UBA6: variants seen among roughly 807,000 people sequenced by gnomAD.
The protein encoded by UBA6 is ubiquitin like modifier activating enzyme 6, also known as ubiquitin-like modifier-activating enzyme 6.
Under a neutral mutation model 148.3 loss-of-function variants are expected in UBA6, and 87 were observed. The observed-to-expected ratio is 0.59, with a 90% CI of 0.49 to 0.70. UBA6 has a LOEUF of 0.70. Among genes scored for constraint, UBA6 ranks in the 30% least tolerant of loss-of-function variants. UBA6 has a pLI of 0.00. For missense variants in UBA6, 1,186 were observed against 1,241.2 expected (o/e 0.96, Z 0.67); for synonymous variants, 376 against 401.0 (o/e 0.94, Z 0.75).
chr4:67,613,778 A>G lies in UBA6; in HGVS notation c.*5219T>C, dbSNP rs1728578803. 1 of 152,208 alleles carries G rather than the reference A, an allele frequency of 6.6e-6. No individual in the cohort carries two copies. Among genetic ancestry groups the G allele is most frequent in the African/African-American group, 2.4e-5 (1 of 41,444 alleles). The allele number at this position is 152,208 out of a possible 1,614,324, so 9.4% of individuals were successfully genotyped here. A position where few individuals can be genotyped will look rare whatever the true frequency, so the allele number is the denominator to read the frequency against. On this transcript the variant is annotated 3_prime_UTR_variant, in exon 33 of 33. Coordinates refer to ENST00000322244, the MANE Select transcript of UBA6 (RefSeq NM_018227.6). ...TCTACAAACCATAAATTCTCATCAG[A>G]TGGGTTTTATTTAACCCTGTATATT...
rs1728602878 is a variant in UBA6 at position 67,615,262 on chromosome 4, T to A, written c.*3735A>T. The A allele has an allele frequency of 6.6e-6, 1 of 152,200 alleles. No individual in the cohort carries two copies. Among genetic ancestry groups the A allele is most frequent in the African/African-American group, 2.4e-5 (1 of 41,448 alleles). The allele number at this position is 152,200 out of a possible 1,614,324, so 9.4% of individuals were successfully genotyped here. A position where few individuals can be genotyped will look rare whatever the true frequency, so the allele number is the denominator to read the frequency against. On this transcript the variant is annotated 3_prime_UTR_variant, in exon 33 of 33. Transcript: ENST00000322244. ...ATGAGTTAATGTGAGATCTGATTCT[T>A]AAAAATGATCTGGGACTTCCTCTAT...
chr4:67,618,741 C>T lies in UBA6; in HGVS notation c.*256G>A, dbSNP rs1001794042. On this transcript the variant is annotated 3_prime_UTR_variant, in exon 33 of 33. Transcript: ENST00000322244. ...AGAGATTAATACACAGATTAATACA[C>T]AAAACTTTTGTAAATAGCATTCCAG... 8.9e-6 allele frequency: 3 copies of T among 338,462 alleles called. No individual in the cohort carries two copies. Among genetic ancestry groups the T allele is most frequent in the Middle Eastern group, 7.9e-4 (1 of 1,262 alleles). The allele number at this position is 338,462 out of a possible 1,614,324, so 21.0% of individuals were successfully genotyped here.
chr4:67,681,457 A>G, intron 4 of UBA6, 106 bp downstream of exon 4: 1 of 679,456 alleles, frequency 1.5e-6, no homozygotes, highest in Non-Finnish European at 2.4e-6. Context: ...TAAAAAGTAG[A>G]GCATTAAAGA....
At chr4:67,683,680 G>T (rs1024118148) in intron 2 of UBA6, among the ~76,000 whole-genome samples, 14 of 151,820 alleles carry the variant, frequency 9.2e-5, no homozygotes, top group South Asian at 2.1e-4. Context: ...CAAAAAGATT[G>T]GACACCCCTG....
At chr4:67,622,948 G>T (rs1728783518) in intron 31 of UBA6, 23 bp from the exon 32 acceptor site, 3 of 1,552,204 alleles carry the variant, frequency 1.9e-6, no homozygotes, top group African/African-American at 1.4e-5. Context: ...ATCCAAAAAA[G>T]AAACAATGAA....
chr4:67,650,894 AAG>A (rs1729539693), intron 13 of UBA6, among the ~76,000 whole-genome samples: 1 of 152,230 alleles, frequency 6.6e-6, no homozygotes, highest in Non-Finnish European at 1.5e-5. Flanking sequence ...GAGAAAGCTA[AAG>A]AGAGAGATGT....
rs199666796 is a variant in UBA6, at chr4:67,630,573, C to T, written c.2259-38G>A. The T allele has an allele frequency of 1.5e-4, 210 of 1,387,968 alleles. 1 individual carries two copies. Among genetic ancestry groups the T allele is most frequent in the Non-Finnish European group, 1.9e-4 (190 of 1,010,152 alleles). The allele number at this position is 1,387,968 out of a possible 1,614,324, so 86.0% of individuals were successfully genotyped here. ...AAAAATAAAGCAAAATTTGAATGTA[C>T]AGTTTTAAAGACGATATTTAACTCA... On this transcript the variant is annotated intron_variant, in intron 25 of 32. Coordinates refer to ENST00000322244, the MANE Select transcript of UBA6 (RefSeq NM_018227.6).
At chr4:67,692,949 C>A (rs1198776323) in intron 2 of UBA6, among the ~76,000 whole-genome samples, 1 of 152,156 alleles carries the variant, frequency 6.6e-6, no homozygotes, top group Non-Finnish European at 1.5e-5. Flanking sequence ...TCTTTAATGA[C>A]ATGGACCCTT....
intron 30 of UBA6, 86 bp downstream of exon 30, chr4:67,624,040 A>T: frequency 1.7e-6 from 2 of 1,167,002 alleles, no homozygotes; most frequent in Non-Finnish European, 2.3e-6. Flanking sequence ...AAGAAAAAAG[A>T]GGTGAAGCTA....
chr4:67,678,114 A>T (rs1730333293), intron 5 of UBA6, among the ~76,000 whole-genome samples: 1 of 147,390 alleles, frequency 6.8e-6, no homozygotes, highest in Non-Finnish European at 1.5e-5. Context: ...TATGTAATAT[A>T]TATTATATAA....
At chr4:67,628,259 GCTT>G (rs1221543400) in intron 27 of UBA6, among the ~76,000 whole-genome samples, 3 of 151,686 alleles carry the variant, frequency 2.0e-5, no homozygotes, top group Non-Finnish European at 4.4e-5. Flanking sequence ...TACTAAGCTA[GCTT>G]CTTATTTCAA....
chr4:67,689,537 C>G (rs918027413), intron 2 of UBA6, among the ~76,000 whole-genome samples: 11 of 152,078 alleles, frequency 7.2e-5, no homozygotes, highest in African/African-American at 2.7e-4. Flanking sequence ...GTTTGTTTCT[C>G]TATCTAACTT....
At position 67,700,974 on chromosome 4, in the gene UBA6, G is replaced by C; in HGVS notation, c.71+75C>G. On this transcript the variant is annotated intron_variant, in intron 1 of 32. Coordinates refer to ENST00000322244, the MANE Select transcript of UBA6 (RefSeq NM_018227.6). ...GCCTCTCGGGCGCCCCCAGCCCGCC[G>C]GAAAGAAAGAAGCAGAAACCCGGAG... The C allele has an allele frequency of 1.9e-6, 3 of 1,584,950 alleles. No individual in the cohort carries two copies. In the South Asian group the frequency reaches 3.3e-5, roughly 18 times the overall value.
intron 3 of UBA6, 90 bp downstream of exon 3, chr4:67,682,029 T>C (rs866098131): frequency 2.1e-6 from 2 of 951,556 alleles, no homozygotes; most frequent in Middle Eastern, 2.3e-4. Context: ...TAACTTCCTT[T>C]ATAGGAAATA....
chr4:67,629,117 T>C lies in UBA6; in HGVS notation c.2354A>G (p.Asn785Ser). 1 of 1,609,744 alleles carries C rather than the reference T, an allele frequency of 6.2e-7. No individual in the cohort carries two copies. The highest frequency in any genetic ancestry group is 8.5e-7 in the Non-Finnish European group (1 of 1,176,860). ...EEDLSADALLNILSEVKIQEF... is the reference protein window; with the variant it reads ...EEDLSADALLSILSEVKIQEF... The stretch of plus-strand genomic sequence containing the variant: ...CTGAATCTTTACTTCTGAAAGAATA[T>C]TCAAGAGGGCATCTGCTGATAAGTC... Residue 785 changes from asparagine to serine, a missense_variant, in exon 27 of 33, where the codon AAT (asparagine) becomes AGT (serine). Asn to Ser is a conservative substitution (Grantham distance 46, BLOSUM62 1). Transcript: ENST00000322244.
Position 67,625,021 on chromosome 4 carries a change from T to C in UBA6, c.2685A>G (p.Ala895=), listed in dbSNP as rs1198240090. 2.5e-6 allele frequency: 4 copies of C among 1,609,648 alleles called. No homozygotes were observed. The highest frequency in any genetic ancestry group is 3.4e-6 in the Non-Finnish European group (4 of 1,176,986). ...RIAGKIIPAI[A]TTTATVSGLV... ...AGCCAGAAACTGTAGCAGTGGTTGT[T>C]GCTATAGCAGGTATAATTTTACCAG... Residue 895 remains alanine, a synonymous_variant, in exon 29 of 33, where the codon GCA becomes GCG. Coordinates refer to ENST00000322244, the MANE Select transcript of UBA6 (RefSeq NM_018227.6).
chr4:67,633,577 TTA>T, intron 22 of UBA6, 104 bp from the exon 23 acceptor site: 1 of 1,002,274 alleles, frequency 1.0e-6, no homozygotes, highest in Admixed American at 3.0e-5. Context: ...CTCATGTGTT[TTA>T]TGCTTTTCTT....
At chr4:67,630,597 C>G (rs555053685) in intron 25 of UBA6, 62 bp from the exon 26 acceptor site, 2 of 985,946 alleles carry the variant, frequency 2.0e-6, no homozygotes, top group Non-Finnish European at 3.0e-6. Context: ...ATATTTAACT[C>G]ATTATGAACT....
intron 13 of UBA6, among the ~76,000 whole-genome samples, chr4:67,650,603 A>G (rs947821656): frequency 6.6e-6 from 1 of 152,210 alleles, no homozygotes; most frequent in African/African-American, 2.4e-5. Flanking sequence ...ATAAATTTCA[A>G]ATTACTTGTA....
Sources: gnomAD v4.1 joint callset for allele counts (sites outside exome capture counted in the v4.1 genomes callset) on GRCh38, gnomAD v4.1.1 for gene constraint, MANE v1.5 for transcripts, NCBI Gene and HGNC (gene_info 2026-07-23, HGNC 2026-07-21) for gene names.